The following DCC variants were observed in gnomAD, a reference collection of about 807,000 sequenced individuals.
DCC encodes DCC netrin 1 receptor, also known as netrin receptor DCC.
In DCC, 58 loss-of-function variants were observed where a neutral mutation model predicts 172.5. The ratio of observed to expected loss-of-function variants is 0.34; its 90% CI spans 0.27 to 0.42. The LOEUF is 0.42. DCC is among the 10% of genes least tolerant of loss of function. The pLI, the probability that DCC is intolerant of heterozygous loss-of-function variation, is 1.00. For missense variants in DCC, 1,740 were observed against 1,791.0 expected (o/e 0.97, Z 0.51); for synonymous variants, 709 against 644.5 (o/e 1.10, Z -1.52).
chr18:53,104,143 T>A (rs138863937), intron 7 of DCC, among the ~76,000 whole-genome samples: 1 of 152,158 alleles, frequency 6.6e-6, no homozygotes, highest in East Asian at 1.9e-4. Context: ...ATGGCAGTGA[T>A]CTAGAACAGA....
At chr18:52,391,926 C>CA (rs1986044366) in intron 1 of DCC, among the ~76,000 whole-genome samples, 2 of 152,278 alleles carry the variant, frequency 1.3e-5, no homozygotes, top group Admixed American at 1.3e-4. Context: ...ACCACTGGGA[C>CA]AGCTAATGTC....
At chr18:53,176,403 G>A (rs1447589338) in intron 8 of DCC, among the ~76,000 whole-genome samples, 1 of 145,044 alleles carries the variant, frequency 6.9e-6, no homozygotes. Context: ...CCTACAAAAT[G>A]GGAGAAAATT....
intron 1 of DCC, among the ~76,000 whole-genome samples, chr18:52,546,779 A>G (rs1240221901): frequency 6.6e-6 from 1 of 152,022 alleles, no homozygotes; most frequent in Non-Finnish European, 1.5e-5. Flanking sequence ...CTATTTTTCA[A>G]TTGGCACTTG....
intron 7 of DCC, among the ~76,000 whole-genome samples, chr18:53,096,126 G>A (rs1444759903): frequency 6.6e-6 from 1 of 151,948 alleles, no homozygotes; most frequent in South Asian, 2.1e-4. Context: ...AGCACATTAT[G>A]CACATGTACC....
chr18:52,795,551 C>T (rs890412969), intron 2 of DCC, among the ~76,000 whole-genome samples: 1 of 151,812 alleles, frequency 6.6e-6, no homozygotes, highest in African/African-American at 2.4e-5. Context: ...CTCAGAAAAA[C>T]AAGTTTTTGT....
rs1011973851 is a variant in DCC at position 53,359,850 on chromosome 18, A to T, written c.2359+19943A>T. Among the ~76,000 whole-genome samples, 3 of 152,074 alleles carry T rather than the reference A, an allele frequency of 2.0e-5. No homozygotes were observed. In the East Asian group the frequency reaches 5.8e-4, roughly 29 times the overall value. Reference sequence around the variant, plus strand: ...CTCTTACTTTGGAGAACCCTGACTCAGTACCCATTTCAGTGACCCCTGACT... The same window carrying T: ...CTCTTACTTTGGAGAACCCTGACTCTGTACCCATTTCAGTGACCCCTGACT... On this transcript the variant is annotated intron_variant, in intron 15 of 28. Coordinates refer to ENST00000442544, the MANE Select transcript of DCC (RefSeq NM_005215.4).
At chr18:53,451,007 C>T (rs146619345) in intron 23 of DCC, among the ~76,000 whole-genome samples, 2 of 152,170 alleles carry the variant, frequency 1.3e-5, no homozygotes, top group African/African-American at 4.8e-5. Flanking sequence ...AAATCATGTA[C>T]ACGAGATTTG....
At chr18:53,053,981 G>A (rs1441711372) in intron 5 of DCC, among the ~76,000 whole-genome samples, 6 of 152,096 alleles carry the variant, frequency 3.9e-5, no homozygotes, top group African/African-American at 1.4e-4. Context: ...TATAGAAGAA[G>A]AGTGGTCCCT....
At chr18:53,259,409 G>A (rs2056565378) in intron 12 of DCC, among the ~76,000 whole-genome samples, 1 of 152,176 alleles carries the variant, frequency 6.6e-6, no homozygotes, top group Non-Finnish European at 1.5e-5. Flanking sequence ...AGGCCTGGTA[G>A]TGACAAAATC....
chr18:53,127,792 C>T (rs779966416), intron 7 of DCC, among the ~76,000 whole-genome samples: 5 of 152,116 alleles, frequency 3.3e-5, no homozygotes, highest in Non-Finnish European at 7.4e-5. Flanking sequence ...AAAACACTGT[C>T]ACTGCTTTAT....
intron 1 of DCC, among the ~76,000 whole-genome samples, chr18:52,342,943 TCTC>T (rs1186297905): frequency 2.6e-5 from 4 of 152,196 alleles, no homozygotes; most frequent in African/African-American, 9.7e-5. Context: ...ATTTTAATTT[TCTC>T]CTCAACAGAC....
At chr18:53,446,370 C>A (rs1912614460) in intron 22 of DCC, among the ~76,000 whole-genome samples, 1 of 152,046 alleles carries the variant, frequency 6.6e-6, no homozygotes, top group African/African-American at 2.4e-5. Context: ...CACTGTGGTG[C>A]AACTATTATC....
At chr18:52,434,607 C>T (rs749347794) in intron 1 of DCC, among the ~76,000 whole-genome samples, 2 of 151,636 alleles carry the variant, frequency 1.3e-5, no homozygotes, top group Non-Finnish European at 2.9e-5. Context: ...TGTGTCAATG[C>T]TAATAAACCA....
chr18:52,626,535 T>G (rs1421008471), intron 1 of DCC, among the ~76,000 whole-genome samples: 1 of 152,136 alleles, frequency 6.6e-6, no homozygotes. Context: ...GTTGTCCCTT[T>G]CTTAAAACTT....
chr18:53,329,199 T>A (rs939117862), intron 14 of DCC, among the ~76,000 whole-genome samples: 1 of 152,168 alleles, frequency 6.6e-6, no homozygotes, highest in African/African-American at 2.4e-5. Context: ...TTATGCCAAA[T>A]GGTAAAATAC....
chr18:52,690,321 C>T (rs1437478043), intron 1 of DCC, among the ~76,000 whole-genome samples: 2 of 152,084 alleles, frequency 1.3e-5, no homozygotes, highest in African/African-American at 4.8e-5. Flanking sequence ...TATGTACAAA[C>T]ACATACTGTA....
rs1983608273 is a variant in DCC, at chr18:52,341,035, G to GT, written c.91+164dup. Among the ~76,000 whole-genome samples, 4 of 151,116 alleles carry GT rather than the reference G, an allele frequency of 2.6e-5. No individual in the cohort carries two copies. In the South Asian group the frequency reaches 8.5e-4, roughly 32 times the overall value. ...CGCACCGATGATAAAAGATAGAAGA[G>GT]TTTTTTTCTTCCCTGGGGGCGGATG... On this transcript the variant is annotated intron_variant, in intron 1 of 28. Coordinates refer to ENST00000442544, the MANE Select transcript of DCC (RefSeq NM_005215.4).
At chr18:52,954,131 A>G (rs1462620665) in intron 5 of DCC, among the ~76,000 whole-genome samples, 2 of 152,174 alleles carry the variant, frequency 1.3e-5, no homozygotes, top group African/African-American at 4.8e-5. Flanking sequence ...GGAATTATTC[A>G]TTTTCATCGT....
intron 14 of DCC, among the ~76,000 whole-genome samples, chr18:53,328,912 A>G (rs947639335): frequency 6.6e-6 from 1 of 152,144 alleles, no homozygotes; most frequent in Non-Finnish European, 1.5e-5. Context: ...TACTCAGACC[A>G]TTGGTTTTAT....
Sources: allele counts gnomAD v4.1 joint callset (sites outside exome capture counted in the v4.1 genomes callset), GRCh38; gene constraint gnomAD v4.1.1; transcripts MANE v1.5; gene names NCBI Gene and HGNC (gene_info 2026-07-23, HGNC 2026-07-21).